The following SOX11 variants were observed in gnomAD, a reference collection of about 807,000 sequenced individuals.
The protein encoded by SOX11 is transcription factor SOX-11.
Under a neutral mutation model 16.7 loss-of-function variants are expected in SOX11, and 5 were observed. That is an observed-to-expected ratio of 0.30 (90% CI 0.16 to 0.63). The LOEUF (loss-of-function observed/expected upper bound fraction) is 0.63. SOX11 is among the 20% of genes least tolerant of loss of function. The pLI is 0.82. For synonymous variants in SOX11, 363 were observed against 298.8 expected, an observed-to-expected ratio of 1.21 and a Z score of -2.22; for missense variants, 492 against 641.5, an observed-to-expected ratio of 0.77 and a Z score of 2.52.
rs760467177 is a variant in SOX11, at chr2:5,693,150, C to T, written c.429C>T (p.Ala143=). 6.5e-7 allele frequency: 1 copy of T among 1,541,618 alleles called. No individual in the cohort carries two copies. Among genetic ancestry groups the T allele is most frequent in the East Asian group, 2.4e-5 (1 of 41,998 alleles). Residue 143 remains alanine, a synonymous_variant, in exon 1 of 1, where the codon GCC becomes GCT. Coordinates refer to ENST00000322002, the MANE Select transcript of SOX11 (RefSeq NM_003108.4). This position sits in a 1 kb window ranked among gnomAD's most constrained non-coding sequence, Gnocchi z 8.6. ...GCCAGAGCCCAGAGAAGAGCGCGGC[C>T]GGCGGCGGCGGCGGGAGCGCGGGCG... ...SASQSPEKSA[A]GGGGGSAGGG...
In SOX11 at chr2:5,694,224, C is replaced by A; in HGVS notation, c.*177C>A. 5.0e-6 allele frequency: 4 copies of A among 802,242 alleles called. No homozygotes were observed. The highest frequency in any genetic ancestry group is 7.3e-6 in the Non-Finnish European group (4 of 549,274). The allele number at this position is 802,242 out of a possible 1,614,324, so 49.7% of individuals were successfully genotyped here. On this transcript the variant is annotated 3_prime_UTR_variant, in exon 1 of 1. Coordinates refer to ENST00000322002, the MANE Select transcript of SOX11 (RefSeq NM_003108.4). ...TGATGATATTGATAAGATGTCGTGA[C>A]GCAAAGAAATTGGAAAACATGATGA...
At position 5,699,405 on chromosome 2, in the gene SOX11, C is replaced by T. The variant is rs2103281335; in HGVS notation, c.*5358C>T. ...TGAGGATAACAAGAATGAGCCTTACCTATCCTAACACAGGGATTTACAAGT... is the reference window on the plus strand; with the variant it reads ...TGAGGATAACAAGAATGAGCCTTACTTATCCTAACACAGGGATTTACAAGT... On this transcript the variant is annotated 3_prime_UTR_variant, in exon 1 of 1. Coordinates refer to ENST00000322002, the MANE Select transcript of SOX11 (RefSeq NM_003108.4). The T allele has an allele frequency of 6.0e-6, 1 of 167,144 alleles. No individual in the cohort carries two copies. The highest frequency in any genetic ancestry group is 1.5e-5 in the Non-Finnish European group (1 of 68,104). 10.4% of individuals were successfully genotyped at this position (167,144 alleles called of 1,614,324 possible).
rs1665679649 is a variant in SOX11 at position 5,693,704 on chromosome 2, AGCCCGCGCTGTC to A, written c.991_1002del (p.Leu331_Ala334del). ...AAGCAGCACCCGCCGCCGCTCGCGC[AGCCCGCGCTGTC>A]GCCCGCGTCCTCGCGCTCGGTGTCC... is the stretch of plus-strand genomic sequence containing the variant. On this transcript the variant is annotated inframe_deletion, in exon 1 of 1. Transcript: ENST00000322002. This position sits in a 1 kb window ranked among gnomAD's most constrained non-coding sequence, Gnocchi z 8.6. 8 of 1,599,896 alleles carry A rather than the reference AGCCCGCGCTGTC, an allele frequency of 5.0e-6. No individual in the cohort carries two copies. Among genetic ancestry groups the A allele is most frequent in the Non-Finnish European group, 6.8e-6 (8 of 1,177,642 alleles).
Position 5,693,072 on chromosome 2 carries a change from G to A in SOX11, c.351G>A (p.Lys117=). ...LKHMADYPDY[K]YRPRKKPKMD... ...ACATGGCCGACTACCCCGACTACAAGTACCGGCCCCGGAAAAAGCCCAAAA... is the reference window on the plus strand; with the variant it reads ...ACATGGCCGACTACCCCGACTACAAATACCGGCCCCGGAAAAAGCCCAAAA... Residue 117 remains lysine (K), a synonymous_variant, in exon 1 of 1, where the codon AAG becomes AAA. Transcript: ENST00000322002. This position sits in a 1 kb window ranked among gnomAD's most constrained non-coding sequence, Gnocchi z 8.6. 1 of 1,614,076 alleles carries A rather than the reference G, an allele frequency of 6.2e-7. No individual in the cohort carries two copies. Among genetic ancestry groups the A allele is most frequent in the South Asian group, 1.1e-5 (1 of 91,086 alleles).
In SOX11 at chr2:5,699,197, G is replaced by T. The variant is rs1279511808; in HGVS notation, c.*5150G>T. On this transcript the variant is annotated 3_prime_UTR_variant, in exon 1 of 1. Transcript: ENST00000322002. Reference sequence around the variant, plus strand: ...AAATATATTTGTGCTTTTTTCTTATGTAGGAAGACCAGCGAAAATAGTTTA... The same window carrying T: ...AAATATATTTGTGCTTTTTTCTTATTTAGGAAGACCAGCGAAAATAGTTTA... The T allele has an allele frequency of 6.0e-6, 1 of 166,724 alleles. No individual in the cohort carries two copies. Among genetic ancestry groups the T allele is most frequent in the Non-Finnish European group, 1.5e-5 (1 of 68,084 alleles). The allele number at this position is 166,724 out of a possible 1,614,324, so 10.3% of individuals were successfully genotyped here.
At position 5,695,282 on chromosome 2, in the gene SOX11, A is replaced by C. The variant is rs900294660; in HGVS notation, c.*1235A>C. The C allele has an allele frequency of 6.0e-6, 1 of 166,940 alleles. No homozygotes were observed. The highest frequency in any genetic ancestry group is 2.4e-5 in the African/African-American group (1 of 41,422). The allele number at this position is 166,940 out of a possible 1,614,324, so 10.3% of individuals were successfully genotyped here. A position where few individuals can be genotyped will look rare whatever the true frequency, so the allele number is the denominator to read the frequency against. On this transcript the variant is annotated 3_prime_UTR_variant, in exon 1 of 1. Coordinates refer to ENST00000322002, the MANE Select transcript of SOX11 (RefSeq NM_003108.4). ...ATTTGTAGGTAAAGATTTATTGAAA[A>C]TGGTGATATAGACCTCAGAGCTGTT...
chr2:5,693,695 CGCT>C lies in SOX11; in HGVS notation c.975_977del (p.Leu326del), dbSNP rs766178770. ...AACATCACCAAGCAGCACCCGCCGC[CGCT>C]CGCGCAGCCCGCGCTGTCGCCCGCG... On this transcript the variant is annotated inframe_deletion, in exon 1 of 1. Transcript: ENST00000322002. This position sits in a 1 kb window ranked among gnomAD's most constrained non-coding sequence, Gnocchi z 8.6. The C allele has an allele frequency of 1.3e-6, 2 of 1,599,756 alleles. No homozygotes were observed. The highest frequency in any genetic ancestry group is 3.4e-5 in the Admixed American group (2 of 59,534).
In SOX11 at chr2:5,693,260, C is replaced by G. The variant is rs1035189329; in HGVS notation, c.539C>G (p.Ala180Gly). The change falls in exon 1 of 1, where the codon GCG becomes GGG. Residue 180 changes from alanine (A) to glycine (G), a missense_variant. By Grantham distance (60) the Ala-to-Gly change is moderately conservative. Around this residue, in one of 4 missense-constraint regions of SOX11, gnomAD observed 389 missense variants for 389.0 expected, o/e 1.00. Coordinates refer to ENST00000322002, the MANE Select transcript of SOX11 (RefSeq NM_003108.4). This position sits in a 1 kb window ranked among gnomAD's most constrained non-coding sequence, Gnocchi z 8.6. The stretch of plus-strand genomic sequence containing the variant: ...GCCCCCGCGGCCGCGGGCGCCAAGG[C>G]GGGCGCGGGCAAGGCGGCCCAGTCC... ...LKAPAAAGAK[A>G]GAGKAAQSGD... 7.3e-7 allele frequency: 1 copy of G among 1,375,750 alleles called. No individual in the cohort carries two copies. The highest frequency in any genetic ancestry group is 9.3e-7 in the Non-Finnish European group (1 of 1,076,952). The allele number at this position is 1,375,750 out of a possible 1,614,324, so 85.2% of individuals were successfully genotyped here. A position where few individuals can be genotyped will look rare whatever the true frequency, so the allele number is the denominator to read the frequency against.
Position 5,694,263 on chromosome 2 carries a change from G to A in SOX11, c.*216G>A. The A allele has an allele frequency of 1.6e-6, 1 of 613,124 alleles. No homozygotes were observed. The highest frequency in any genetic ancestry group is 2.7e-6 in the Non-Finnish European group (1 of 372,012). The allele number at this position is 613,124 out of a possible 1,614,324, so 38.0% of individuals were successfully genotyped here. ...AAAACATGATGAAAATTTTGGTGGA[G>A]TTAAAGTGAAATGAGTAGTTTTTAA... On this transcript the variant is annotated 3_prime_UTR_variant, in exon 1 of 1. Transcript: ENST00000322002.
rs1365209344 is a variant in SOX11, at chr2:5,696,551, G to C, written c.*2504G>C. 1 of 154,058 alleles carries C rather than the reference G, an allele frequency of 6.5e-6. No homozygotes were observed. The highest frequency in any genetic ancestry group is 1.5e-5 in the Non-Finnish European group (1 of 68,210). The allele number at this position is 154,058 out of a possible 1,614,324, so 9.5% of individuals were successfully genotyped here. On this transcript the variant is annotated 3_prime_UTR_variant, in exon 1 of 1. Coordinates refer to ENST00000322002, the MANE Select transcript of SOX11 (RefSeq NM_003108.4). The stretch of plus-strand genomic sequence containing the variant: ...GGTGAGGGCGTGGGGAGCAGGGGGT[G>C]GCAGAGGGCACCCGGGCGGTAGTCC...
rs1480221390 is a variant in SOX11, at chr2:5,698,058, A to G, written c.*4011A>G. The stretch of plus-strand genomic sequence containing the variant: ...TTTTTTTTTAAAGCCATGTGGCCTA[A>G]CTTGATACAAAAATAAAAGTAATTG... On this transcript the variant is annotated 3_prime_UTR_variant, in exon 1 of 1. Coordinates refer to ENST00000322002, the MANE Select transcript of SOX11 (RefSeq NM_003108.4). 2.4e-5 allele frequency: 4 copies of G among 166,958 alleles called. No homozygotes were observed. Among genetic ancestry groups the G allele is most frequent in the Non-Finnish European group, 4.4e-5 (3 of 68,120 alleles). 10.3% of individuals were successfully genotyped at this position (166,958 alleles called of 1,614,324 possible).
At position 5,693,225 on chromosome 2, in the gene SOX11, C is replaced by G. The variant is rs1665667190; in HGVS notation, c.504C>G (p.Gly168=). The stretch of plus-strand genomic sequence containing the variant: ...CCAAGGGCTCCAGCAAGAAATGCGG[C>G]AAGCTCAAGGCCCCCGCGGCCGCGG... ...KTSKGSSKKC[G]KLKAPAAAGA... is the part of the protein sequence containing the mutation. Residue 168 remains glycine, a synonymous_variant, in exon 1 of 1, where the codon GGC becomes GGG. Coordinates refer to ENST00000322002, the MANE Select transcript of SOX11 (RefSeq NM_003108.4). This position sits in a 1 kb window ranked among gnomAD's most constrained non-coding sequence, Gnocchi z 8.6. The G allele has an allele frequency of 6.8e-7, 1 of 1,480,206 alleles. No individual in the cohort carries two copies. The highest frequency in any genetic ancestry group is 8.9e-7 in the Non-Finnish European group (1 of 1,124,858). 91.7% of individuals were successfully genotyped at this position (1,480,206 alleles called of 1,614,324 possible). A position where few individuals can be genotyped will look rare whatever the true frequency, so the allele number is the denominator to read the frequency against.
At position 5,700,030 on chromosome 2, in the gene SOX11, A is replaced by G. The variant is rs1665807840; in HGVS notation, c.*5983A>G. 1 of 167,106 alleles carries G rather than the reference A, an allele frequency of 6.0e-6. No homozygotes were observed. Among genetic ancestry groups the G allele is most frequent in the Non-Finnish European group, 1.5e-5 (1 of 68,130 alleles). 10.4% of individuals were successfully genotyped at this position (167,106 alleles called of 1,614,324 possible). A position where few individuals can be genotyped will look rare whatever the true frequency, so the allele number is the denominator to read the frequency against. ...TATTGGGTAGAGATATTCTTACAAG[A>G]TCTAGCACCTCTGCCAGTGCACAGA... On this transcript the variant is annotated 3_prime_UTR_variant, in exon 1 of 1. Coordinates refer to ENST00000322002, the MANE Select transcript of SOX11 (RefSeq NM_003108.4).
Position 5,694,825 on chromosome 2 carries a change from AC to A in SOX11, c.*779del, listed in dbSNP as rs1665702155. ...GTGAACTGACTTAAGATCAGAGTTT[AC>A]TTTTCAGATCAAATTGTTTATGGTT... is the stretch of plus-strand genomic sequence containing the variant. On this transcript the variant is annotated 3_prime_UTR_variant, in exon 1 of 1. Coordinates refer to ENST00000322002, the MANE Select transcript of SOX11 (RefSeq NM_003108.4). The A allele has an allele frequency of 6.1e-6, 1 of 163,736 alleles. No homozygotes were observed. The highest frequency in any genetic ancestry group is 2.4e-5 in the African/African-American group (1 of 41,094). The allele number at this position is 163,736 out of a possible 1,614,324, so 10.1% of individuals were successfully genotyped here. A position where few individuals can be genotyped will look rare whatever the true frequency, so the allele number is the denominator to read the frequency against.
chr2:5,692,620 A>ACCTGTCT lies in SOX11; in HGVS notation c.-101_-100insCTGTCTC. The ACCTGTCT allele has an allele frequency of 2.5e-6, 2 of 789,108 alleles. No homozygotes were observed. Among genetic ancestry groups the ACCTGTCT allele is most frequent in the Non-Finnish European group, 1.9e-6 (1 of 535,696 alleles). 48.9% of individuals were successfully genotyped at this position (789,108 alleles called of 1,614,324 possible). On this transcript the variant is annotated 5_prime_UTR_variant, in exon 1 of 1. Coordinates refer to ENST00000322002, the MANE Select transcript of SOX11 (RefSeq NM_003108.4). ...GAGCCGCGAAAGCGGGGTGCCGAGGACTTTGCAACTTGCCCAGGAAGGTGG... is the reference window on the plus strand; with the variant it reads ...GAGCCGCGAAAGCGGGGTGCCGAGGACCTGTCTCTTTGCAACTTGCCCAGGAAGGTGG...
At position 5,697,974 on chromosome 2, in the gene SOX11, TTAAG is replaced by T. The variant is rs1162244918; in HGVS notation, c.*3931_*3934del. ...CATTTTCTGTGGTGAGGTGGAAACT[TTAAG>T]TAAATTAGTAAAGTAATAATTTGGC... On this transcript the variant is annotated 3_prime_UTR_variant, in exon 1 of 1. Coordinates refer to ENST00000322002, the MANE Select transcript of SOX11 (RefSeq NM_003108.4). 1.2e-5 allele frequency: 2 copies of T among 167,134 alleles called. No individual in the cohort carries two copies. The highest frequency in any genetic ancestry group is 2.4e-5 in the African/African-American group (1 of 41,460). The allele number at this position is 167,134 out of a possible 1,614,324, so 10.4% of individuals were successfully genotyped here. A position where few individuals can be genotyped will look rare whatever the true frequency, so the allele number is the denominator to read the frequency against.
chr2:5,694,317 C>CT lies in SOX11; in HGVS notation c.*270_*271insT. The CT allele has an allele frequency of 2.1e-6, 1 of 477,134 alleles. No homozygotes were observed. The highest frequency in any genetic ancestry group is 3.7e-6 in the Non-Finnish European group (1 of 267,142). 29.6% of individuals were successfully genotyped at this position (477,134 alleles called of 1,614,324 possible). ...TTTTTCCTGTCCTTTTTTTGTCCCC[C>CT]CTCCCTTCCTTTATCGTGTCTCAAG... On this transcript the variant is annotated 3_prime_UTR_variant, in exon 1 of 1. Coordinates refer to ENST00000322002, the MANE Select transcript of SOX11 (RefSeq NM_003108.4).
Position 5,698,204 on chromosome 2 carries a change from T to C in SOX11, c.*4157T>C, listed in dbSNP as rs1481690630. ...GAGAATCATCTTAATGAATTCTTTA[T>C]TGAGTGTCTAAAACATAGTATAATA... On this transcript the variant is annotated 3_prime_UTR_variant, in exon 1 of 1. Coordinates refer to ENST00000322002, the MANE Select transcript of SOX11 (RefSeq NM_003108.4). 1.0e-4 allele frequency: 17 copies of C among 167,142 alleles called. No individual in the cohort carries two copies. The highest frequency in any genetic ancestry group is 4.1e-4 in the African/African-American group (17 of 41,480). 10.4% of individuals were successfully genotyped at this position (167,142 alleles called of 1,614,324 possible).
rs913082869 is a variant in SOX11 at position 5,696,643 on chromosome 2, C to A, written c.*2596C>A. 1 of 152,072 alleles carries A rather than the reference C, an allele frequency of 6.6e-6. No homozygotes were observed. The highest frequency in any genetic ancestry group is 1.5e-5 in the Non-Finnish European group (1 of 68,012). 9.4% of individuals were successfully genotyped at this position (152,072 alleles called of 1,614,324 possible). ...CCTGGCTCTTCTTGCCTCGCCACCG[C>A]GTGCTCCTGGGCGCGCCCCGCCGCG... On this transcript the variant is annotated 3_prime_UTR_variant, in exon 1 of 1. Coordinates refer to ENST00000322002, the MANE Select transcript of SOX11 (RefSeq NM_003108.4).
Sources: allele counts gnomAD v4.1 joint callset, GRCh38; gene constraint gnomAD v4.1.1; regional missense constraint gnomAD v4.1.1; non-coding constraint Gnocchi (gnomAD v3.1); transcripts MANE v1.5; gene names NCBI Gene and HGNC (gene_info 2026-07-23, HGNC 2026-07-21).